Variants in ARHGAP5 observed in about 807,000 individuals in gnomAD.
ARHGAP5 encodes Rho GTPase activating protein 5.
In ARHGAP5, 23 loss-of-function variants were observed where a neutral mutation model predicts 116.6. The ratio of observed to expected loss-of-function variants is 0.20; its 90% CI spans 0.14 to 0.28. The LOEUF (loss-of-function observed/expected upper bound fraction) is 0.28. ARHGAP5 is among the 10% of genes least tolerant of loss of function. ARHGAP5 has a pLI of 1.00. For synonymous variants in ARHGAP5, 574 were observed against 602.0 expected, an observed-to-expected ratio of 0.95 and a Z score of 0.68; for missense variants, 1,405 against 1,774.8, an observed-to-expected ratio of 0.79 and a Z score of 3.74.
chr14:32,094,362 C>T lies in ARHGAP5; in HGVS notation c.3693C>T (p.Thr1231=). 6.3e-7 allele frequency: 1 copy of T among 1,577,382 alleles called. No individual in the cohort carries two copies. Among genetic ancestry groups the T allele is most frequent in the African/African-American group, 1.4e-5 (1 of 72,630 alleles). The stretch of plus-strand genomic sequence containing the variant: ...ATGATAAGAAGATGAAGAAGAAAAC[C>T]CACAAAGTGAAAGAAGATAAAAAGG... ...ELDDKKMKKK[T]HKVKEDKKQK... The change falls in exon 2 of 7, where the codon ACC becomes ACT. Residue 1231 remains threonine (T), a synonymous_variant. Coordinates refer to ENST00000345122, the MANE Select transcript of ARHGAP5 (RefSeq NM_001030055.2).
In ARHGAP5 at chr14:32,091,860, T is replaced by C; in HGVS notation, c.1191T>C (p.Asp397=). 1 of 1,613,430 alleles carries C rather than the reference T, an allele frequency of 6.2e-7. No individual in the cohort carries two copies. The highest frequency in any genetic ancestry group is 1.3e-5 in the African/African-American group (1 of 74,968). ...DETDHIDKIN[D]RRIPFDLLST... ...CTGACCATATAGACAAAATTAATGATAGGCGGATTCCATTTGACCTCCTGA... is the reference window on the plus strand; with the variant it reads ...CTGACCATATAGACAAAATTAATGACAGGCGGATTCCATTTGACCTCCTGA... Residue 397 remains aspartate, a synonymous_variant, in exon 2 of 7, where the codon GAT becomes GAC. Transcript: ENST00000345122.
intron 3 of ARHGAP5, among the ~76,000 whole-genome samples, chr14:32,119,185 GT>G (rs1879755502): frequency 6.6e-6 from 1 of 151,860 alleles, no homozygotes; most frequent in Admixed American, 6.6e-5. Context: ...CTACGAGATT[GT>G]TTGTGTCTTT....
At chr14:32,138,005 T>A (rs540839939) in intron 3 of ARHGAP5, among the ~76,000 whole-genome samples, 5 of 151,280 alleles carry the variant, frequency 3.3e-5, no homozygotes, top group African/African-American at 1.2e-4. Flanking sequence ...CACCTTCCAA[T>A]CCACAAACAC....
intron 2 of ARHGAP5, among the ~76,000 whole-genome samples, chr14:32,102,498 T>C (rs1878836316): frequency 6.6e-6 from 1 of 152,186 alleles, no homozygotes; most frequent in Non-Finnish European, 1.5e-5. Context: ...TGCAGTGAAC[T>C]GTGACTGCAC....
intron 1 of ARHGAP5, among the ~76,000 whole-genome samples, chr14:32,081,548 C>CAA (rs529516365): frequency 0.015 from 682 of 46,524 alleles, 11 homozygotes; most frequent in African/African-American, 0.033. Context: ...GACTCCTTCT[C>CAA]AAAAAAAAAA....
At chr14:32,078,235 T>C (rs546881808) in intron 1 of ARHGAP5, 2 of 152,184 alleles carry the variant, frequency 1.3e-5, no homozygotes, top group African/African-American at 4.8e-5. Flanking sequence ...CTCTTCAGCG[T>C]TATTAGAAAT....
intron 3 of ARHGAP5, 149 bp from the exon 4 acceptor site, chr14:32,146,114 G>A: frequency 1.8e-6 from 1 of 551,242 alleles, no homozygotes; most frequent in East Asian, 3.1e-5. Flanking sequence ...GTCTCCCTGT[G>A]TTGCCCAGGC....
chr14:32,122,636 G>A (rs530095610), intron 3 of ARHGAP5, among the ~76,000 whole-genome samples: 7 of 152,192 alleles, frequency 4.6e-5, no homozygotes, highest in South Asian at 2.1e-4. Context: ...AGAGTTTTAC[G>A]GTTTTATCAC....
intron 2 of ARHGAP5, among the ~76,000 whole-genome samples, chr14:32,102,077 A>G (rs1878818698): frequency 6.6e-6 from 1 of 152,242 alleles, no homozygotes; most frequent in African/African-American, 2.4e-5. Context: ...TTATTCAACA[A>G]AGTCTTGAAG....
intron 3 of ARHGAP5, among the ~76,000 whole-genome samples, chr14:32,117,569 T>C (rs1025218060): frequency 2.0e-5 from 3 of 152,216 alleles, no homozygotes; most frequent in African/African-American, 7.2e-5. Flanking sequence ...TATTAAGTTA[T>C]GCTATTTAGT....
chr14:32,091,958 TGAAG>T lies in ARHGAP5; in HGVS notation c.1293_1296del (p.Glu432AsnfsTer50). The T allele has an allele frequency of 6.2e-7, 1 of 1,613,442 alleles. No individual in the cohort carries two copies. The highest frequency in any genetic ancestry group is 8.5e-7 in the Non-Finnish European group (1 of 1,179,624). ...ATATCCGAGAAGAGGAGGGTGGAAA[TGAAG>T]GAAAAATTCAAAAAGACTTTGGAAA... is the stretch of plus-strand genomic sequence containing the variant. On this transcript the variant is annotated frameshift_variant, in exon 2 of 7. Coordinates refer to ENST00000345122, the MANE Select transcript of ARHGAP5 (RefSeq NM_001030055.2). LOFTEE classifies it high-confidence loss of function.
intron 3 of ARHGAP5, among the ~76,000 whole-genome samples, chr14:32,135,033 G>C (rs1031976558): frequency 6.6e-6 from 1 of 152,016 alleles, no homozygotes; most frequent in Non-Finnish European, 1.5e-5. Context: ...ACCATTAATT[G>C]CCCATGCTTG....
intron 4 of ARHGAP5, among the ~76,000 whole-genome samples, chr14:32,147,786 T>C (rs933726614): frequency 2.0e-5 from 3 of 152,210 alleles, no homozygotes; most frequent in Non-Finnish European, 4.4e-5. Context: ...GAGTGGCGTG[T>C]GTGTGTGTGA....
At chr14:32,130,209 ATTTT>A (rs1201632953) in intron 3 of ARHGAP5, among the ~76,000 whole-genome samples, 2 of 124,406 alleles carry the variant, frequency 1.6e-5, no homozygotes. Flanking sequence ...TTCATAAGGG[ATTTT>A]TTTTTTTTTT....
chr14:32,108,743 G>C (rs1048603246), intron 2 of ARHGAP5, among the ~76,000 whole-genome samples: 4 of 152,048 alleles, frequency 2.6e-5, no homozygotes, highest in South Asian at 2.1e-4. Context: ...TATGATTTTA[G>C]ATCTCTTCCC....
Position 32,077,400 on chromosome 14 carries a change from C to T in ARHGAP5, c.-204C>T. ...CCGCCGCCACCGCCGGGGCCGCTGCCGTTGAGGAGGAGACGGAGGAGACCG... is the reference window on the plus strand; with the variant it reads ...CCGCCGCCACCGCCGGGGCCGCTGCTGTTGAGGAGGAGACGGAGGAGACCG... On this transcript the variant is annotated 5_prime_UTR_variant, in exon 1 of 7. Coordinates refer to ENST00000345122, the MANE Select transcript of ARHGAP5 (RefSeq NM_001030055.2). 1 of 704,702 alleles carries T rather than the reference C, an allele frequency of 1.4e-6. No homozygotes were observed. Among genetic ancestry groups the T allele is most frequent in the South Asian group, 1.5e-5 (1 of 67,648 alleles). The allele number at this position is 704,702 out of a possible 1,614,324, so 43.7% of individuals were successfully genotyped here.
At chr14:32,089,926 A>G (rs1172109666) in intron 1 of ARHGAP5, among the ~76,000 whole-genome samples, 1 of 151,944 alleles carries the variant, frequency 6.6e-6, no homozygotes, top group Non-Finnish European at 1.5e-5. Flanking sequence ...AAGTATTTAA[A>G]TATTCTTAAT....
chr14:32,148,980 T>C (rs1200383287), intron 4 of ARHGAP5, among the ~76,000 whole-genome samples: 1 of 152,192 alleles, frequency 6.6e-6, no homozygotes, highest in Non-Finnish European at 1.5e-5. Context: ...AGGTCCAAAT[T>C]AGAATTTATA....
chr14:32,130,491 G>T (rs539456326), intron 3 of ARHGAP5, among the ~76,000 whole-genome samples: 1 of 151,538 alleles, frequency 6.6e-6, no homozygotes, highest in South Asian at 2.1e-4. Context: ...CAAGGTGCTG[G>T]GATTACAGGT....
Sources: allele counts gnomAD v4.1 joint callset (sites outside exome capture counted in the v4.1 genomes callset), GRCh38; gene constraint gnomAD v4.1.1; transcripts MANE v1.5; gene names NCBI Gene and HGNC (gene_info 2026-07-23, HGNC 2026-07-21).